Variants in PLD5 observed in about 807,000 individuals in gnomAD.
PLD5 encodes phospholipase D family member 5.
A neutral mutation model predicts 61.1 loss-of-function variants in PLD5; 36 were observed. The observed-to-expected ratio is 0.59, with a 90% CI of 0.45 to 0.78. The LOEUF (loss-of-function observed/expected upper bound fraction) is 0.78, where lower values mean the gene tolerates loss of function less well. Among genes scored for constraint, PLD5 ranks in the 30% least tolerant of loss-of-function variants. PLD5 has a pLI of 0.00. For missense variants in PLD5, 515 were observed against 644.4 expected, an observed-to-expected ratio of 0.80 and a Z score of 2.17; for synonymous variants, 243 against 242.8, an observed-to-expected ratio of 1.00 and a Z score of -0.01.
chr1:242,321,906 G>A (rs1658439530), intron 2 of PLD5, among the ~76,000 whole-genome samples: 1 of 152,154 alleles, frequency 6.6e-6, no homozygotes, highest in African/African-American at 2.4e-5. Flanking sequence ...CAGTTGTGTA[G>A]GGATTCTCTT....
At chr1:242,466,034 G>A (rs1667267712) in intron 1 of PLD5, among the ~76,000 whole-genome samples, 1 of 152,164 alleles carries the variant, frequency 6.6e-6, no homozygotes, top group African/African-American at 2.4e-5. Flanking sequence ...TCAAGGCTTT[G>A]CTCAGATCAC....
At chr1:242,523,043 TG>T (rs990200705) in intron 1 of PLD5, among the ~76,000 whole-genome samples, 1 of 152,066 alleles carries the variant, frequency 6.6e-6, no homozygotes, top group African/African-American at 2.4e-5. Context: ...AGGAGTGCTT[TG>T]GGGGGCAGAT....
At chr1:242,284,412 C>G (rs549702543) in intron 3 of PLD5, among the ~76,000 whole-genome samples, 1 of 151,914 alleles carries the variant, frequency 6.6e-6, no homozygotes, top group African/African-American at 2.4e-5. Flanking sequence ...GCTGGTATTA[C>G]AGGCCACCAC....
chr1:242,382,492 A>G (rs1662355687), intron 1 of PLD5, among the ~76,000 whole-genome samples: 1 of 152,170 alleles, frequency 6.6e-6, no homozygotes, highest in East Asian at 1.9e-4. Context: ...GAAGCTAAGA[A>G]AATACAGTGT....
At chr1:242,242,745 A>C (rs1223722335) in intron 4 of PLD5, among the ~76,000 whole-genome samples, 2 of 152,232 alleles carry the variant, frequency 1.3e-5, no homozygotes, top group East Asian at 3.8e-4. Context: ...TATTAGTTGG[A>C]ACTATCACTA....
At chr1:242,459,790 C>T (rs1009734312) in intron 1 of PLD5, among the ~76,000 whole-genome samples, 7 of 152,088 alleles carry the variant, frequency 4.6e-5, no homozygotes, top group African/African-American at 1.7e-4. Flanking sequence ...CCCAGAAAAG[C>T]AGATGTTCAT....
At chr1:242,186,178 A>G (rs1312869747) in intron 5 of PLD5, among the ~76,000 whole-genome samples, 1 of 148,726 alleles carries the variant, frequency 6.7e-6, no homozygotes, top group Non-Finnish European at 1.5e-5. Context: ...ATATATATAT[A>G]TATACTTTTT....
intron 6 of PLD5, among the ~76,000 whole-genome samples, chr1:242,115,896 T>C (rs1463007800): frequency 6.6e-6 from 1 of 152,158 alleles, no homozygotes; most frequent in African/African-American, 2.4e-5. Context: ...TTGAGGTGGT[T>C]TTCATCTTAT....
At chr1:242,502,817 T>C (rs149861791) in intron 1 of PLD5, among the ~76,000 whole-genome samples, 3,901 of 152,052 alleles carry the variant, frequency 0.026, 57 homozygotes, top group African/African-American at 0.034. Flanking sequence ...TCCCAGCACT[T>C]TGGGAGGCTG....
chr1:242,352,264 TGCA>T (rs1660520077), intron 1 of PLD5, among the ~76,000 whole-genome samples: 1 of 152,220 alleles, frequency 6.6e-6, no homozygotes, highest in African/African-American at 2.4e-5. Context: ...CTTCTATAAC[TGCA>T]ATTGTTTTAT....
intron 4 of PLD5, among the ~76,000 whole-genome samples, chr1:242,228,121 C>T (rs1671072325): frequency 6.6e-6 from 1 of 152,148 alleles, no homozygotes; most frequent in Non-Finnish European, 1.5e-5. Flanking sequence ...ATTACACTTG[C>T]ACACGAGGAA....
chr1:242,186,496 A>G (rs1468215594), intron 5 of PLD5, among the ~76,000 whole-genome samples: 2 of 152,200 alleles, frequency 1.3e-5, no homozygotes, highest in African/African-American at 2.4e-5. Context: ...GCTGTAAGGA[A>G]TATATTTTTT....
rs568003329 is a variant in PLD5 at position 242,320,839 on chromosome 1, C to T, written c.326+27267G>A. 1.3e-5 allele frequency among the ~76,000 whole-genome samples: 2 copies of T among 152,122 alleles called. 1 individual carries two copies. The highest frequency in any genetic ancestry group is 4.8e-5 in the African/African-American group (2 of 41,498). Reference sequence around the variant, plus strand: ...GGGATTTAATTGATTTGGGGTGGGGCCTGGGTAGCAATATTTTCTTTAAAG... The same window carrying T: ...GGGATTTAATTGATTTGGGGTGGGGTCTGGGTAGCAATATTTTCTTTAAAG... On this transcript the variant is annotated intron_variant, in intron 2 of 9. Transcript: ENST00000536534.
intron 9 of PLD5, among the ~76,000 whole-genome samples, chr1:242,094,353 G>A (rs1434423684): frequency 6.6e-6 from 1 of 152,118 alleles, no homozygotes; most frequent in Non-Finnish European, 1.5e-5. Context: ...TGCAGAGCTT[G>A]ACTCAAATGT....
chr1:242,404,742 C>A (rs1664130340), intron 1 of PLD5, among the ~76,000 whole-genome samples: 1 of 151,636 alleles, frequency 6.6e-6, no homozygotes, highest in East Asian at 1.9e-4. Context: ...CACATACACT[C>A]ACACACACAC....
intron 3 of PLD5, among the ~76,000 whole-genome samples, chr1:242,284,644 G>T (rs1246557205): frequency 2.6e-5 from 4 of 152,168 alleles, no homozygotes; most frequent in Non-Finnish European, 5.9e-5. Flanking sequence ...GGCCAGTGGA[G>T]ACCAAAGGCT....
chr1:242,475,406 G>C (rs1408362495), intron 1 of PLD5, among the ~76,000 whole-genome samples: 2 of 124,828 alleles, frequency 1.6e-5, no homozygotes, highest in African/African-American at 3.3e-5. Flanking sequence ...CTGGGCGACA[G>C]AGCGAGACTC....
At chr1:242,212,191 G>C (rs572053103) in intron 5 of PLD5, among the ~76,000 whole-genome samples, 1 of 152,250 alleles carries the variant, frequency 6.6e-6, no homozygotes, top group South Asian at 2.1e-4. Flanking sequence ...ATAAAAAAGG[G>C]GAAACGGAGG....
chr1:242,483,889 C>A (rs1310248623), intron 1 of PLD5, among the ~76,000 whole-genome samples: 2 of 151,862 alleles, frequency 1.3e-5, no homozygotes, highest in East Asian at 3.9e-4. Context: ...CAAACTAGAA[C>A]TCAGGATTAA....
Sources: allele counts gnomAD v4.1 joint callset (sites outside exome capture counted in the v4.1 genomes callset), GRCh38; gene constraint gnomAD v4.1.1; transcripts MANE v1.5; gene names NCBI Gene and HGNC (gene_info 2026-07-23, HGNC 2026-07-21).